VWA3B: variants seen among roughly 807,000 people sequenced by gnomAD.
The protein encoded by VWA3B is von Willebrand factor A domain-containing protein 3B.
A neutral mutation model predicts 158.3 loss-of-function variants in VWA3B; 138 were observed. That is an observed-to-expected ratio of 0.87 (90% CI 0.76 to 1.00). The LOEUF (loss-of-function observed/expected upper bound fraction) is 1.00. Among genes scored for constraint, VWA3B ranks in the 50% least tolerant of loss-of-function variants. The pLI, the probability that VWA3B is intolerant of heterozygous loss-of-function variation, is 0.00. For missense variants in VWA3B, 1,555 were observed against 1,565.1 expected (o/e 0.99, Z 0.11); for synonymous variants, 596 against 587.3 (o/e 1.01, Z -0.21).
chr2:98,227,024 T>A (rs1470619704), intron 14 of VWA3B, among the ~76,000 whole-genome samples: 1 of 152,098 alleles, frequency 6.6e-6, no homozygotes, highest in Non-Finnish European at 1.5e-5. Context: ...CTATTCAACA[T>A]AGTATTGGAT....
intron 15 of VWA3B, 82 bp from the exon 16 acceptor site, chr2:98,229,968 T>C: frequency 2.1e-6 from 3 of 1,434,076 alleles, no homozygotes; most frequent in South Asian, 1.5e-5. Flanking sequence ...AACATGAATG[T>C]ATTGACTTAA....
rs560015242 is a variant in VWA3B, at chr2:98,091,094, G to A, written c.-32-1967G>A. 3.3e-5 allele frequency among the ~76,000 whole-genome samples: 5 copies of A among 152,302 alleles called. No individual in the cohort carries two copies. In the East Asian group the frequency reaches 7.7e-4, roughly 23 times the overall value. On this transcript the variant is annotated intron_variant, in intron 1 of 27. Transcript: ENST00000477737. ...AGTGATAAGCCAAGAAGCTTATTGA[G>A]TCTGAGCTCTGAGAATAAAGATTAG... is the stretch of plus-strand genomic sequence containing the variant.
chr2:98,256,273 T>C (rs1687138201), intron 21 of VWA3B, 99 bp downstream of exon 21: 7 of 1,337,288 alleles, frequency 5.2e-6, no homozygotes. Flanking sequence ...GTATTTAAAA[T>C]ATTCAAAATG....
At chr2:98,104,589 C>T (rs1208243839) in intron 2 of VWA3B, among the ~76,000 whole-genome samples, 1 of 152,192 alleles carries the variant, frequency 6.6e-6, no homozygotes, top group African/African-American at 2.4e-5. Flanking sequence ...AATTTCAACA[C>T]TAGGTTTAGA....
chr2:98,323,903 C>T, the VWA3B span, among the ~76,000 whole-genome samples: 2,983 of 152,292 alleles, frequency 0.02, 78 homozygotes, highest in African/African-American at 0.068. Flanking sequence ...AGACCCTCCA[C>T]CAAAGTAAGC....
chr2:98,312,515 C>A lies in VWA3B; in HGVS notation c.*166C>A. 1.3e-6 allele frequency: 1 copy of A among 793,524 alleles called. No homozygotes were observed. The highest frequency in any genetic ancestry group is 1.9e-6 in the Non-Finnish European group (1 of 529,834). The allele number at this position is 793,524 out of a possible 1,614,324, so 49.2% of individuals were successfully genotyped here. A position where few individuals can be genotyped will look rare whatever the true frequency, so the allele number is the denominator to read the frequency against. On this transcript the variant is annotated 3_prime_UTR_variant, in exon 28 of 28. Coordinates refer to ENST00000477737, the MANE Select transcript of VWA3B (RefSeq NM_144992.5). Reference sequence around the variant, plus strand: ...ACTCCTCTCCCCTCCATCCCTGCTGCCTCCCCTACCCGTTTGACGACTTGG... The same window carrying A: ...ACTCCTCTCCCCTCCATCCCTGCTGACTCCCCTACCCGTTTGACGACTTGG...
chr2:98,231,068 C>T (rs1685305453), intron 16 of VWA3B, among the ~76,000 whole-genome samples: 2 of 152,082 alleles, frequency 1.3e-5, no homozygotes, highest in South Asian at 2.1e-4. Flanking sequence ...ATTAGGTGAA[C>T]ATGTAACGAA....
chr2:98,209,343 C>T (rs982391357), intron 12 of VWA3B, among the ~76,000 whole-genome samples: 10 of 151,930 alleles, frequency 6.6e-5, no homozygotes, highest in East Asian at 1.9e-4. Flanking sequence ...TGTGGTGGCG[C>T]GATCTCGGCT....
intron 8 of VWA3B, among the ~76,000 whole-genome samples, chr2:98,175,732 G>A (rs1245422263): frequency 6.6e-6 from 1 of 152,206 alleles, no homozygotes; most frequent in Admixed American, 6.5e-5. Flanking sequence ...TGGATTCCAT[G>A]TAGGATAAAA....
chr2:98,173,750 G>C (rs1003492687), intron 8 of VWA3B, among the ~76,000 whole-genome samples: 2 of 152,152 alleles, frequency 1.3e-5, no homozygotes, highest in African/African-American at 4.8e-5. Flanking sequence ...GGTGGATCAC[G>C]AGGTCAAGAG....
At chr2:98,295,506 C>T (rs1465044394) in intron 23 of VWA3B, among the ~76,000 whole-genome samples, 1 of 152,184 alleles carries the variant, frequency 6.6e-6, no homozygotes, top group Non-Finnish European at 1.5e-5. Context: ...ACAGGACAAC[C>T]CCGACTGAGG....
chr2:98,303,770 A>G lies in VWA3B; in HGVS notation c.3489A>G (p.Ile1163Met). Reference protein sequence around the residue: ...QNKYALSCSHIKSPPIPEDPE... With the variant: ...QNKYALSCSHMKSPPIPEDPE... ...AGTATGCGCTCTCTTGCTCTCATAT[A>G]AAGTCACCCCCAATTCCTGAGGATC... The change falls in exon 26 of 28, where the codon ATA becomes ATG. Residue 1163 changes from isoleucine to methionine, a missense_variant. Coordinates refer to ENST00000477737, the MANE Select transcript of VWA3B (RefSeq NM_144992.5). 2 of 1,614,140 alleles carry G rather than the reference A, an allele frequency of 1.2e-6. No individual in the cohort carries two copies. Among genetic ancestry groups the G allele is most frequent in the Non-Finnish European group, 1.7e-6 (2 of 1,180,016 alleles).
chr2:98,290,808 C>A, intron 23 of VWA3B, 186 bp downstream of exon 23: 3 of 488,072 alleles, frequency 6.1e-6, no homozygotes, highest in South Asian at 4.1e-5. Context: ...ATTTGGGCCC[C>A]CCAAAAAAGT....
chr2:98,213,394 G>A (rs1051798346), intron 13 of VWA3B, among the ~76,000 whole-genome samples: 3 of 152,160 alleles, frequency 2.0e-5, no homozygotes, highest in Admixed American at 6.5e-5. Context: ...AAAGGCTGGC[G>A]CTGCCATGGC....
intron 14 of VWA3B, among the ~76,000 whole-genome samples, chr2:98,219,576 A>G (rs185602079): frequency 3.9e-5 from 6 of 152,378 alleles, no homozygotes; most frequent in African/African-American, 1.4e-4. Flanking sequence ...ATAAACACAC[A>G]GATCCAAAAG....
chr2:98,106,327 AT>A (rs1274461518), intron 2 of VWA3B, among the ~76,000 whole-genome samples: 2 of 148,358 alleles, frequency 1.3e-5, no homozygotes, highest in Admixed American at 6.7e-5. Flanking sequence ...CTCCTACTTT[AT>A]TTTTTTTTCA....
At chr2:98,244,755 G>T (rs1438753799) in intron 19 of VWA3B, among the ~76,000 whole-genome samples, 1 of 152,142 alleles carries the variant, frequency 6.6e-6, no homozygotes, top group African/African-American at 2.4e-5. Context: ...AAATACATTT[G>T]TCTATAAAGG....
intron 12 of VWA3B, among the ~76,000 whole-genome samples, chr2:98,196,297 A>G (rs1292745961): frequency 6.6e-6 from 1 of 152,240 alleles, no homozygotes; most frequent in African/African-American, 2.4e-5. Context: ...AAAATATGTC[A>G]GGTGACAGAT....
At chr2:98,120,351 C>CTTA (rs1216882267) in intron 4 of VWA3B, among the ~76,000 whole-genome samples, 2 of 152,174 alleles carry the variant, frequency 1.3e-5, no homozygotes, top group Non-Finnish European at 2.9e-5. Context: ...ATCTGGATAA[C>CTTA]GGTTGGGGAA....
Sources: allele counts gnomAD v4.1 joint callset (sites outside exome capture counted in the v4.1 genomes callset), GRCh38; gene constraint gnomAD v4.1.1; transcripts MANE v1.5; gene names NCBI Gene and HGNC (gene_info 2026-07-23, HGNC 2026-07-21).